Variants in KIAA0232 observed in about 807,000 individuals in gnomAD.
KIAA0232 encodes uncharacterized protein KIAA0232.
Under a neutral mutation model 122.0 loss-of-function variants are expected in KIAA0232, and 27 were observed. The ratio of observed to expected loss-of-function variants is 0.22; its 90% CI spans 0.16 to 0.31. KIAA0232 has a LOEUF of 0.31. KIAA0232 is among the 10% of genes least tolerant of loss of function. The probability of loss-of-function intolerance (pLI) is 1.00; values close to 1 mark genes in which losing one functional copy is unlikely to be tolerated. For missense variants in KIAA0232, 1,551 were observed against 1,634.2 expected, an observed-to-expected ratio of 0.95 and a Z score of 0.88; for synonymous variants, 613 against 587.6, an observed-to-expected ratio of 1.04 and a Z score of -0.63.
intron 7 of KIAA0232, among the ~76,000 whole-genome samples, chr4:6,870,343 C>T (rs1238161109): frequency 1.3e-5 from 2 of 152,236 alleles, no homozygotes; most frequent in African/African-American, 4.8e-5. Flanking sequence ...ATGAGTCTCT[C>T]CCGCTCTCAG....
At chr4:6,814,806 G>A (rs1250920068) in intron 2 of KIAA0232, among the ~76,000 whole-genome samples, 1 of 152,034 alleles carries the variant, frequency 6.6e-6, no homozygotes, top group African/African-American at 2.4e-5. Flanking sequence ...CTACCTCCGT[G>A]AATTAAAGAT....
In KIAA0232 at chr4:6,863,157, A is replaced by G; in HGVS notation, c.2775A>G (p.Glu925=). Residue 925 remains glutamate, a synonymous_variant, in exon 7 of 10, where the codon GAA becomes GAG. Coordinates refer to ENST00000307659, the MANE Select transcript of KIAA0232 (RefSeq NM_014743.3). ...CCTGGGATGTAGCCCAAGATAAAGA[A>G]AACACATTCATTCTTGGAGGAGTTT... ...SKPWDVAQDK[E]NTFILGGVYG... 2 of 1,614,186 alleles carry G rather than the reference A, an allele frequency of 1.2e-6. No homozygotes were observed. The highest frequency in any genetic ancestry group is 1.7e-5 in the Admixed American group (1 of 60,028).
At chr4:6,822,214 A>G (rs979940522) in intron 2 of KIAA0232, among the ~76,000 whole-genome samples, 9 of 152,212 alleles carry the variant, frequency 5.9e-5, no homozygotes, top group Non-Finnish European at 1.3e-4. Flanking sequence ...GGTGAAAGTT[A>G]CAGAAAATCT....
At chr4:6,815,741 A>G (rs1254335689) in intron 2 of KIAA0232, among the ~76,000 whole-genome samples, 1 of 151,810 alleles carries the variant, frequency 6.6e-6, no homozygotes, top group African/African-American at 2.4e-5. Context: ...TTAATCACTC[A>G]TGACTATAGA....
chr4:6,807,032 G>GTCTATCTATCTATCTA (rs71173468), intron 2 of KIAA0232, among the ~76,000 whole-genome samples: 47 of 145,862 alleles, frequency 3.2e-4, no homozygotes, highest in East Asian at 6.0e-4. Flanking sequence ...CTGTCTGTCT[G>GTCTATCTATCTATCTA]TCTATCTATC....
chr4:6,804,346 G>T (rs1400693099), intron 1 of KIAA0232, among the ~76,000 whole-genome samples, 177 bp from the exon 2 acceptor site: 1 of 152,184 alleles, frequency 6.6e-6, no homozygotes, highest in East Asian at 1.9e-4. Flanking sequence ...TAGAGCCACT[G>T]ACCAGTTGCG....
intron 4 of KIAA0232, among the ~76,000 whole-genome samples, chr4:6,851,777 A>G (rs544414290): frequency 7.9e-5 from 12 of 151,546 alleles, no homozygotes; most frequent in African/African-American, 2.7e-4. Context: ...GTAAGGTGCT[A>G]TAATGAACTA....
intron 6 of KIAA0232, among the ~76,000 whole-genome samples, chr4:6,858,932 A>G (rs1720702078): frequency 6.6e-6 from 1 of 151,990 alleles, no homozygotes; most frequent in African/African-American, 2.4e-5. Context: ...CAACATGGTG[A>G]AACCCAGTCT....
In KIAA0232 at chr4:6,850,302, G is replaced by A. The variant is rs541347708; in HGVS notation, c.370-6862G>A. 4.9e-4 allele frequency among the ~76,000 whole-genome samples: 74 copies of A among 152,220 alleles called. 2 individuals are homozygous for A. In the East Asian group the frequency reaches 0.012, roughly 24 times the overall value. Reference sequence around the variant, plus strand: ...GGGGCACAGCTGGAGACCCATGTACGCTTTCCTAATGACTTTCCTGGTCAT... The same window carrying A: ...GGGGCACAGCTGGAGACCCATGTACACTTTCCTAATGACTTTCCTGGTCAT... On this transcript the variant is annotated intron_variant, in intron 4 of 9. Transcript: ENST00000307659.
intron 2 of KIAA0232, among the ~76,000 whole-genome samples, chr4:6,805,612 T>G (rs1426499300): frequency 6.6e-6 from 1 of 152,184 alleles, no homozygotes; most frequent in Non-Finnish European, 1.5e-5. Flanking sequence ...GTTTTGAGTT[T>G]AGTAATTGAA....
At chr4:6,816,407 C>T (rs557238304) in intron 2 of KIAA0232, among the ~76,000 whole-genome samples, 21 of 151,924 alleles carry the variant, frequency 1.4e-4, no homozygotes, top group South Asian at 8.4e-4. Context: ...CTCAGCCTTC[C>T]GAGTAGCTGG....
intron 8 of KIAA0232, among the ~76,000 whole-genome samples, chr4:6,873,556 C>G (rs530302574): frequency 6.6e-6 from 1 of 152,268 alleles, no homozygotes; most frequent in Admixed American, 6.5e-5. Context: ...GATTTTGAGA[C>G]ACAGAGTTCA....
chr4:6,854,092 A>G (rs1185664298), intron 4 of KIAA0232, among the ~76,000 whole-genome samples: 1 of 152,242 alleles, frequency 6.6e-6, no homozygotes, highest in African/African-American at 2.4e-5. Context: ...TCCAACCTCA[A>G]AATCAAATCA....
intron 1 of KIAA0232, among the ~76,000 whole-genome samples, chr4:6,799,106 C>G (rs1717261915): frequency 6.6e-6 from 1 of 151,990 alleles, no homozygotes; most frequent in Non-Finnish European, 1.5e-5. Flanking sequence ...ATGCCCTACT[C>G]TTAGCGTCTG....
At chr4:6,827,357 A>T (rs1284846711) in intron 3 of KIAA0232, among the ~76,000 whole-genome samples, 1 of 152,198 alleles carries the variant, frequency 6.6e-6, no homozygotes, top group Non-Finnish European at 1.5e-5. Context: ...TTCTAGCAAG[A>T]GTAAGGAGAG....
At chr4:6,818,531 G>A (rs1342565111) in intron 2 of KIAA0232, among the ~76,000 whole-genome samples, 5 of 151,906 alleles carry the variant, frequency 3.3e-5, no homozygotes, top group African/African-American at 1.2e-4. Flanking sequence ...TCACGAAGGA[G>A]GTGAAAGATC....
At chr4:6,784,138 A>C (rs886819544) in intron 1 of KIAA0232, among the ~76,000 whole-genome samples, 6 of 151,932 alleles carry the variant, frequency 3.9e-5, no homozygotes, top group African/African-American at 1.5e-4. Context: ...GAGAGGAGGC[A>C]TGCGAGATTC....
In KIAA0232 at chr4:6,880,800, A is replaced by G. The variant is rs1560216786; in HGVS notation, c.4022A>G (p.Tyr1341Cys). The G allele has an allele frequency of 6.5e-7, 1 of 1,547,294 alleles. No individual in the cohort carries two copies. The highest frequency in any genetic ancestry group is 8.7e-7 in the Non-Finnish European group (1 of 1,144,484). The change falls in exon 10 of 10, where the codon TAT becomes TGT. Residue 1341 changes from tyrosine (Y) to cysteine (C), a missense_variant. Tyr to Cys is a radical substitution (Grantham distance 194, BLOSUM62 -2). This residue lies in a region of KIAA0232 where 1,108 missense variants were observed against 1,154.8 expected (regional missense o/e 0.96). Transcript: ENST00000307659. ...LLDFNRVSSVYEARCTGERDS... is the reference protein window; with the variant it reads ...LLDFNRVSSVCEARCTGERDS... ...TTTTAATCTTAGGTGTCTTCTGTTTATGAAGCAAGATGTACAGGAGAGAGA... is the reference window on the plus strand; with the variant it reads ...TTTTAATCTTAGGTGTCTTCTGTTTGTGAAGCAAGATGTACAGGAGAGAGA...
intron 1 of KIAA0232, among the ~76,000 whole-genome samples, chr4:6,784,062 G>T (rs1011405196): frequency 2.6e-5 from 4 of 151,988 alleles, no homozygotes; most frequent in Admixed American, 1.3e-4. Flanking sequence ...CCACCTTTCC[G>T]TTTTTGTCCT....
Sources: allele counts gnomAD v4.1 joint callset (sites outside exome capture counted in the v4.1 genomes callset), GRCh38; gene constraint gnomAD v4.1.1; regional missense constraint gnomAD v4.1.1; transcripts MANE v1.5; gene names NCBI Gene and HGNC (gene_info 2026-07-23, HGNC 2026-07-21).